CTNNA2: variants seen among roughly 807,000 people sequenced by gnomAD.
CTNNA2 encodes the protein catenin alpha-2.
A neutral mutation model predicts 101.0 loss-of-function variants in CTNNA2; 42 were observed. The observed-to-expected ratio is 0.42, with a 90% CI of 0.32 to 0.54. The LOEUF is 0.54. Among genes scored for constraint, CTNNA2 ranks in the 20% least tolerant of loss-of-function variants. The pLI, the probability that CTNNA2 is intolerant of heterozygous loss-of-function variation, is 0.14. For synonymous variants in CTNNA2, 450 were observed against 456.4 expected, an observed-to-expected ratio of 0.99 and a Z score of 0.18; for missense variants, 871 against 1,223.1, an observed-to-expected ratio of 0.71 and a Z score of 4.29.
At chr2:80,033,445 C>T (rs1384303520) in intron 7 of CTNNA2, among the ~76,000 whole-genome samples, 2 of 151,894 alleles carry the variant, frequency 1.3e-5, no homozygotes, top group Non-Finnish European at 2.9e-5. Context: ...TGGTGGCATG[C>T]ACCTGTAGGC....
At chr2:79,278,612 C>T (rs1305076610) in intron 2 of CTNNA2, among the ~76,000 whole-genome samples, 1 of 152,052 alleles carries the variant, frequency 6.6e-6, no homozygotes, top group Non-Finnish European at 1.5e-5. Context: ...TTTGGAGACA[C>T]AGTGAAATCC....
intron 3 of CTNNA2, chr2:79,319,758 T>C (rs1228902976): frequency 6.6e-6 from 1 of 152,192 alleles, no homozygotes; most frequent in African/African-American, 2.4e-5. Context: ...CTAAAACTTT[T>C]CTGCCCACGA....
chr2:80,378,081 C>T (rs989603878), intron 7 of CTNNA2, among the ~76,000 whole-genome samples: 45 of 152,034 alleles, frequency 3.0e-4, no homozygotes, highest in East Asian at 5.8e-4. Flanking sequence ...GGGGGCCAGG[C>T]GCAGGTGGCT....
At chr2:80,526,540 C>T (rs796267654) in intron 9 of CTNNA2, among the ~76,000 whole-genome samples, 3 of 151,756 alleles carry the variant, frequency 2.0e-5, no homozygotes, top group African/African-American at 7.3e-5. Context: ...ACCATGTTGG[C>T]CAGGCTGGTC....
intron 1 of CTNNA2, among the ~76,000 whole-genome samples, chr2:79,569,260 G>A (rs927779737): frequency 1.3e-5 from 2 of 152,124 alleles, no homozygotes; most frequent in African/African-American, 4.8e-5. Flanking sequence ...GGGAGTAGCT[G>A]TTCTCTCAGG....
intron 2 of CTNNA2, among the ~76,000 whole-genome samples, chr2:79,262,285 C>A (rs75210800): frequency 1.3e-5 from 2 of 152,076 alleles, no homozygotes; most frequent in East Asian, 1.9e-4. Context: ...TTTTAAAAAC[C>A]CTTTAGAAAG....
At chr2:80,128,157 C>G (rs549592253) in intron 7 of CTNNA2, among the ~76,000 whole-genome samples, 48 of 152,176 alleles carry the variant, frequency 3.2e-4, no homozygotes, top group African/African-American at 1.1e-3. Context: ...GGGTATCAGC[C>G]ACTGGCAGAA....
At chr2:80,263,794 C>G (rs576354862) in intron 7 of CTNNA2, among the ~76,000 whole-genome samples, 8 of 152,176 alleles carry the variant, frequency 5.3e-5, no homozygotes, top group Non-Finnish European at 1.2e-4. Context: ...GCTTTTTAAC[C>G]TCTAGTCTAA....
chr2:79,978,742 C>T (rs948831588), intron 7 of CTNNA2, among the ~76,000 whole-genome samples: 1 of 152,170 alleles, frequency 6.6e-6, no homozygotes, highest in African/African-American at 2.4e-5. Context: ...CTAGGCTTTT[C>T]CTAGAGCAAA....
At chr2:80,055,761 A>G (rs572489923) in intron 7 of CTNNA2, among the ~76,000 whole-genome samples, 1 of 152,182 alleles carries the variant, frequency 6.6e-6, no homozygotes, top group East Asian at 1.9e-4. Context: ...TGTGACCCCT[A>G]ATGCAGAATA....
At chr2:79,679,015 G>T (rs1240736352) in intron 2 of CTNNA2, among the ~76,000 whole-genome samples, 1 of 152,038 alleles carries the variant, frequency 6.6e-6, no homozygotes, top group Non-Finnish European at 1.5e-5. Flanking sequence ...TAGCTCAGTT[G>T]TATTTATCTC....
At chr2:80,059,473 G>T (rs1697431909) in intron 7 of CTNNA2, among the ~76,000 whole-genome samples, 1 of 152,216 alleles carries the variant, frequency 6.6e-6, no homozygotes, top group Non-Finnish European at 1.5e-5. Context: ...CTAGTATTTT[G>T]CTTCCTTCAC....
At chr2:80,165,241 T>TC (rs540870437) in intron 7 of CTNNA2, among the ~76,000 whole-genome samples, 207 of 152,016 alleles carry the variant, frequency 1.4e-3, no homozygotes, top group African/African-American at 4.6e-3. Flanking sequence ...ATTTTTTTTT[T>TC]CAATCTGGTT....
intron 7 of CTNNA2, among the ~76,000 whole-genome samples, chr2:80,053,477 TG>T (rs1697009929): frequency 6.6e-6 from 1 of 152,236 alleles, no homozygotes; most frequent in Non-Finnish European, 1.5e-5. Flanking sequence ...TTTTGTTACG[TG>T]GTGTAATTAG....
chr2:80,405,822 A>AT (rs1294323646), intron 8 of CTNNA2, among the ~76,000 whole-genome samples: 11 of 152,134 alleles, frequency 7.2e-5, no homozygotes, highest in African/African-American at 2.7e-4. Context: ...ATAAGAGTGG[A>AT]TTTTTCTCTT....
chr2:80,282,466 G>A (rs182736463), intron 7 of CTNNA2, among the ~76,000 whole-genome samples: 48 of 151,960 alleles, frequency 3.2e-4, no homozygotes, highest in Admixed American at 2.2e-3. Context: ...TACTTCTCAT[G>A]GTGTGAAATT....
At chr2:79,495,828 C>A (rs887177506) in intron 4 of CTNNA2, among the ~76,000 whole-genome samples, 1 of 151,910 alleles carries the variant, frequency 6.6e-6, no homozygotes, top group Non-Finnish European at 1.5e-5. Flanking sequence ...GTGGATCAAC[C>A]TTGAAAATAT....
intron 4 of CTNNA2, among the ~76,000 whole-genome samples, chr2:79,865,721 A>G (rs1044578528): frequency 6.6e-6 from 1 of 152,158 alleles, no homozygotes; most frequent in Non-Finnish European, 1.5e-5. Flanking sequence ...TTATTTATTT[A>G]TTTGTTTATT....
At chr2:80,550,719 G>C (rs1209350456) in intron 11 of CTNNA2, among the ~76,000 whole-genome samples, 1 of 152,008 alleles carries the variant, frequency 6.6e-6, no homozygotes, top group Admixed American at 6.6e-5. Context: ...ACATCTTTAG[G>C]CTCCACTTCT....
Sources: gnomAD v4.1 joint callset for allele counts (sites outside exome capture counted in the v4.1 genomes callset) on GRCh38, gnomAD v4.1.1 for gene constraint, MANE v1.5 for transcripts, NCBI Gene and HGNC (gene_info 2026-07-23, HGNC 2026-07-21) for gene names.